The following ATP10B variants were observed in gnomAD, a reference collection of about 807,000 sequenced individuals.
ATP10B encodes phospholipid-transporting ATPase VB.
A neutral mutation model predicts 141.2 loss-of-function variants in ATP10B; 122 were observed. The observed-to-expected ratio is 0.86, with a 90% CI of 0.75 to 1.00. ATP10B has a LOEUF of 1.00. Among genes scored for constraint, ATP10B ranks in the 50% least tolerant of loss-of-function variants. The pLI, the probability that ATP10B is intolerant of heterozygous loss-of-function variation, is 0.00. For missense variants in ATP10B, 1,876 were observed against 1,825.3 expected (o/e 1.03, Z -0.51); for synonymous variants, 685 against 692.0 (o/e 0.99, Z 0.16).
chr5:160,796,638 G>A (rs1224070090), intron 1 of ATP10B, among the ~76,000 whole-genome samples: 5 of 152,292 alleles, frequency 3.3e-5, no homozygotes, highest in South Asian at 4.1e-4. Flanking sequence ...TCCTCCAGGA[G>A]GGCATTTGAT....
the ATP10B span, among the ~76,000 whole-genome samples, chr5:160,912,395 C>T: frequency 3.9e-5 from 5 of 129,488 alleles, no homozygotes; most frequent in East Asian, 7.6e-4. Context: ...TGGCCAATAT[C>T]GTGAAACCCT....
intron 20 of ATP10B, chr5:160,602,996 C>A: frequency 3.8e-6 from 1 of 262,086 alleles, no homozygotes; most frequent in Non-Finnish European, 7.6e-6. Flanking sequence ...TGTCAGGCAC[C>A]GTGCTAGGGA....
rs1554119636 is a variant in ATP10B at position 160,812,020 on chromosome 5, C to CAGAGACAG, written c.-575-26218_-575-26217insCTGTCTCT. The stretch of plus-strand genomic sequence containing the variant: ...AGAGAGACAGAGACAGAGACAGAGA[C>CAGAGACAG]AGAGAGAGAGAGAGAGAGAGAGAGA... On this transcript the variant is annotated intron_variant, in intron 1 of 25. Transcript: ENST00000327245. 2.5e-3 allele frequency among the ~76,000 whole-genome samples: 278 copies of CAGAGACAG among 111,500 alleles called. 3 individuals carry two copies. The East Asian group carries it at 0.045, about 18-fold the overall frequency. 73.1% of individuals were successfully genotyped at this position (111,500 alleles called of 152,430 possible).
chr5:160,686,399 A>T lies in ATP10B; in HGVS notation c.276-126T>A, dbSNP rs1327780571. 7.8e-6 allele frequency: 5 copies of T among 642,124 alleles called. No homozygotes were observed. The Admixed American group carries it at 1.1e-4, about 14-fold the overall frequency. The allele number at this position is 642,124 out of a possible 1,614,324, so 39.8% of individuals were successfully genotyped here. ...CTCTTTCAGTATCACCTCAAACATT[A>T]TGGTAATGGATTTGAAGCCAAACCC... On this transcript the variant is annotated intron_variant, in intron 5 of 25. Coordinates refer to ENST00000327245, the MANE Select transcript of ATP10B (RefSeq NM_025153.3).
In ATP10B at chr5:160,588,836, T is replaced by G. The variant is rs373812234; in HGVS notation, c.3750+756A>C. Among the ~76,000 whole-genome samples the G allele has an allele frequency of 3.3e-5, 5 of 152,260 alleles. No homozygotes were observed. In the East Asian group the frequency reaches 9.7e-4, roughly 29 times the overall value. On this transcript the variant is annotated intron_variant, in intron 24 of 25. Coordinates refer to ENST00000327245, the MANE Select transcript of ATP10B (RefSeq NM_025153.3). Reference sequence around the variant, plus strand: ...GACTAGAAAAATCTAATCAGAAAGGTGACATTGCCTTCTTAGATATCAAAA... The same window carrying G: ...GACTAGAAAAATCTAATCAGAAAGGGGACATTGCCTTCTTAGATATCAAAA...
intron 6 of ATP10B, among the ~76,000 whole-genome samples, chr5:160,674,356 A>C (rs1414079495): frequency 6.6e-6 from 1 of 152,186 alleles, no homozygotes; most frequent in Non-Finnish European, 1.5e-5. Flanking sequence ...TGCTATGGAG[A>C]GGAGCTTGTG....
At chr5:160,833,145 T>G (rs1256968354) in intron 1 of ATP10B, among the ~76,000 whole-genome samples, 1 of 152,180 alleles carries the variant, frequency 6.6e-6, no homozygotes, top group Non-Finnish European at 1.5e-5. Flanking sequence ...CATAGAAAAC[T>G]GTTTACAGAA....
chr5:160,897,140 T>G, the ATP10B span, among the ~76,000 whole-genome samples: 12 of 152,072 alleles, frequency 7.9e-5, no homozygotes, highest in African/African-American at 2.9e-4. Flanking sequence ...TACAAGATGA[T>G]AATGCCCTTT....
At chr5:160,571,899 C>T (rs753171185) in intron 24 of ATP10B, among the ~76,000 whole-genome samples, 1 of 152,126 alleles carries the variant, frequency 6.6e-6, no homozygotes, top group Non-Finnish European at 1.5e-5. Context: ...TCTTTGCAGT[C>T]CCAGCTGGGG....
intron 6 of ATP10B, among the ~76,000 whole-genome samples, chr5:160,675,014 G>A (rs1374042175): frequency 6.6e-6 from 1 of 152,204 alleles, no homozygotes; most frequent in Non-Finnish European, 1.5e-5. Context: ...AGTCAGGGAT[G>A]CACACAGCCC....
At chr5:160,815,946 G>C (rs1437585862) in intron 1 of ATP10B, among the ~76,000 whole-genome samples, 3 of 151,928 alleles carry the variant, frequency 2.0e-5, no homozygotes, top group Admixed American at 1.3e-4. Flanking sequence ...CAGAAATAAA[G>C]ATGTTCTTTG....
intron 24 of ATP10B, 73 bp from the exon 25 acceptor site, chr5:160,569,756 ATTAACT>A (rs1754762647): frequency 3.2e-6 from 4 of 1,237,268 alleles, no homozygotes; most frequent in Non-Finnish European, 3.3e-6. Context: ...AAACTACTTG[ATTAACT>A]TTGTTTCAAA....
chr5:160,644,087 G>A lies in ATP10B; in HGVS notation c.868+51C>T, dbSNP rs1220321126. The A allele has an allele frequency of 3.4e-6, 5 of 1,460,732 alleles. No homozygotes were observed. In the African/African-American group the frequency reaches 7.0e-5, roughly 20 times the overall value. The allele number at this position is 1,460,732 out of a possible 1,614,324, so 90.5% of individuals were successfully genotyped here. ...CCCATTGACTGAAGATGGATTTGGA[G>A]GGGGAAGGATAAAGGAAAATTCAGA... On this transcript the variant is annotated intron_variant, in intron 9 of 25. Coordinates refer to ENST00000327245, the MANE Select transcript of ATP10B (RefSeq NM_025153.3).
At chr5:160,726,026 AG>A (rs1353029696) in intron 2 of ATP10B, among the ~76,000 whole-genome samples, 4 of 152,178 alleles carry the variant, frequency 2.6e-5, no homozygotes, top group Non-Finnish European at 5.9e-5. Context: ...TCATGGAATG[AG>A]AGTCTGGGGA....
the ATP10B span, among the ~76,000 whole-genome samples, chr5:160,909,928 A>C: frequency 6.6e-6 from 1 of 152,120 alleles, no homozygotes; most frequent in Non-Finnish European, 1.5e-5. Flanking sequence ...AAGTGAAGAG[A>C]TCTAATTTCC....
At position 160,606,984 on chromosome 5, in the gene ATP10B, T is replaced by G; in HGVS notation, c.2941A>C (p.Lys981Gln). 1 of 1,614,180 alleles carries G rather than the reference T, an allele frequency of 6.2e-7. No homozygotes were observed. Among genetic ancestry groups the G allele is most frequent in the Non-Finnish European group, 8.5e-7 (1 of 1,180,024 alleles). ...GCTTCTGAGGTGATGGATGGTGTCT[T>G]GGAAGGTAAGCGGAATCCAAAGAGC... is the stretch of plus-strand genomic sequence containing the variant. ...RKLFGFRLPS[K>Q]TPSITSEAVV... Residue 981 changes from lysine to glutamine, a missense_variant, in exon 19 of 26, where the codon AAG (lysine) becomes CAG (glutamine). Lys to Gln is a moderately conservative substitution (Grantham distance 53). Transcript: ENST00000327245.
chr5:160,574,977 G>C (rs1311867164), intron 24 of ATP10B, among the ~76,000 whole-genome samples: 2 of 152,006 alleles, frequency 1.3e-5, no homozygotes, highest in Non-Finnish European at 2.9e-5. Context: ...CAGGTGTTCT[G>C]TTGCAATAGC....
At chr5:160,696,059 T>G (rs1370774802) in intron 3 of ATP10B, among the ~76,000 whole-genome samples, 2 of 152,204 alleles carry the variant, frequency 1.3e-5, no homozygotes, top group Admixed American at 1.3e-4. Flanking sequence ...AAATAGCATT[T>G]TTATTAAATG....
At chr5:160,821,611 T>C (rs1302399160) in intron 1 of ATP10B, among the ~76,000 whole-genome samples, 2 of 152,146 alleles carry the variant, frequency 1.3e-5, no homozygotes, top group Non-Finnish European at 2.9e-5. Context: ...GACTTTATAC[T>C]ACTAAGCTAT....
Sources: allele counts gnomAD v4.1 joint callset (sites outside exome capture counted in the v4.1 genomes callset), GRCh38; gene constraint gnomAD v4.1.1; transcripts MANE v1.5; gene names NCBI Gene and HGNC (gene_info 2026-07-23, HGNC 2026-07-21).